CNTLN: variants seen among roughly 807,000 people sequenced by gnomAD.
The protein encoded by CNTLN is centlein, also known as centlein, centrosomal protein.
CNTLN carries 212 observed loss-of-function variants against 180.0 expected under a neutral mutation model. That is an observed-to-expected ratio of 1.18 (90% CI 1.05 to 1.32). CNTLN has a LOEUF of 1.32. CNTLN is among the 40% of genes most tolerant of loss of function. The pLI, the probability that CNTLN is intolerant of heterozygous loss-of-function variation, is 0.00. For synonymous variants in CNTLN, 722 were observed against 563.1 expected (o/e 1.28, Z -3.99); for missense variants, 2,095 against 1,610.9 (o/e 1.30, Z -5.14).
At chr9:17,404,685 G>A (rs1297577499) in intron 15 of CNTLN, among the ~76,000 whole-genome samples, 3 of 151,004 alleles carry the variant, frequency 2.0e-5, no homozygotes, top group Admixed American at 6.6e-5. Context: ...AAAAAGTTGT[G>A]TACAATCCTT....
At chr9:17,521,951 G>A in the CNTLN span, among the ~76,000 whole-genome samples, 1 of 152,086 alleles carries the variant, frequency 6.6e-6, no homozygotes, top group Admixed American at 6.5e-5. Context: ...GGGAAAACCT[G>A]AGTATAATTC....
chr9:17,333,885 C>G (rs1820807226), intron 10 of CNTLN, among the ~76,000 whole-genome samples: 1 of 152,120 alleles, frequency 6.6e-6, no homozygotes, highest in East Asian at 1.9e-4. Flanking sequence ...AAGCATCATA[C>G]TAGTACTTGT....
At chr9:17,302,523 C>T (rs1330238890) in intron 7 of CNTLN, among the ~76,000 whole-genome samples, 4 of 152,048 alleles carry the variant, frequency 2.6e-5, no homozygotes, top group Non-Finnish European at 5.9e-5. Flanking sequence ...TTAGTTCGTA[C>T]ATAACATACC....
intron 12 of CNTLN, among the ~76,000 whole-genome samples, chr9:17,348,549 G>A (rs77009928): frequency 2.0e-5 from 2 of 98,612 alleles, no homozygotes; most frequent in African/African-American, 8.4e-5. Flanking sequence ...TTTTTTTTTT[G>A]AGACGGAGTC....
intron 12 of CNTLN, among the ~76,000 whole-genome samples, chr9:17,360,043 C>G (rs1187818591): frequency 1.3e-5 from 2 of 152,010 alleles, no homozygotes; most frequent in African/African-American, 4.8e-5. Context: ...ATGGATATTT[C>G]TTTTTTTCCA....
chr9:17,347,858 G>A (rs914063715), intron 12 of CNTLN, among the ~76,000 whole-genome samples: 67 of 152,080 alleles, frequency 4.4e-4, no homozygotes, highest in African/African-American at 1.4e-3. Flanking sequence ...TTGAGACAGA[G>A]TCTCGCTCTG....
chr9:17,237,354 TACACACACACACACACACACACAC>T lies in CNTLN; in HGVS notation c.849+795_849+818del, dbSNP rs59168012. On this transcript the variant is annotated intron_variant, in intron 5 of 25. Coordinates refer to ENST00000380647, the MANE Select transcript of CNTLN (RefSeq NM_017738.4). ...GGTGGTCTCTCCATGTATATGCCCCTACACACACACACACACACACACACACACACACACACACACACACACACA... is the reference window on the plus strand; with the variant it reads ...GGTGGTCTCTCCATGTATATGCCCCTACACACACACACACACACACACACA... Among the ~76,000 whole-genome samples, 564 of 106,486 alleles carry T rather than the reference TACACACACACACACACACACACAC, an allele frequency of 5.3e-3. 3 individuals are homozygous for T. The highest frequency in any genetic ancestry group is 0.018 in the African/African-American group (527 of 28,510). 69.9% of individuals were successfully genotyped at this position (106,486 alleles called of 152,430 possible).
chr9:17,523,424 A>G, the CNTLN span, among the ~76,000 whole-genome samples: 1 of 151,830 alleles, frequency 6.6e-6, no homozygotes, highest in Non-Finnish European at 1.5e-5. Context: ...TTTAGTAGAG[A>G]CGGGGTTTCA....
At chr9:17,301,950 A>G in intron 7 of CNTLN, 1 of 935,900 alleles carries the variant, frequency 1.1e-6, no homozygotes, top group Non-Finnish European at 1.3e-6. Context: ...TAACTATTTT[A>G]GATGGTCATA....
intron 18 of CNTLN, among the ~76,000 whole-genome samples, chr9:17,442,188 G>C (rs1830150540): frequency 6.6e-6 from 1 of 152,168 alleles, no homozygotes; most frequent in Non-Finnish European, 1.5e-5. Context: ...GATATGTAGA[G>C]AATACTCTAC....
intron 8 of CNTLN, among the ~76,000 whole-genome samples, chr9:17,322,083 A>G (rs1043225567): frequency 1.3e-5 from 2 of 152,058 alleles, no homozygotes; most frequent in African/African-American, 2.4e-5. Flanking sequence ...CTGCCTTGTA[A>G]TTTGTTGCTT....
intron 18 of CNTLN, among the ~76,000 whole-genome samples, chr9:17,431,552 C>T (rs1350331030): frequency 1.3e-5 from 2 of 152,020 alleles, no homozygotes; most frequent in African/African-American, 2.4e-5. Context: ...GACATAATCC[C>T]ATTTGTCTAT....
chr9:17,373,627 C>T (rs117210374), intron 13 of CNTLN, among the ~76,000 whole-genome samples: 1 of 151,966 alleles, frequency 6.6e-6, no homozygotes, highest in Non-Finnish European at 1.5e-5. Context: ...ACAGAAAAAA[C>T]AATCCTAAAA....
chr9:17,135,513 A>T, intron 1 of CNTLN, 88 bp downstream of exon 1: 1 of 1,449,796 alleles, frequency 6.9e-7, no homozygotes, highest in Non-Finnish European at 9.1e-7. Flanking sequence ...CTGCCTTGGG[A>T]CCTACCCCGC....
the CNTLN span, among the ~76,000 whole-genome samples, chr9:17,520,988 G>C: frequency 6.6e-6 from 1 of 152,154 alleles, no homozygotes; most frequent in Non-Finnish European, 1.5e-5. Context: ...GAAAAATTCT[G>C]TGGATTGTTA....
intron 13 of CNTLN, among the ~76,000 whole-genome samples, chr9:17,382,253 C>T (rs1446250315): frequency 6.6e-6 from 1 of 152,152 alleles, no homozygotes; most frequent in Non-Finnish European, 1.5e-5. Context: ...AAAGCATAGA[C>T]TTTCATAATA....
At chr9:17,508,324 G>C (rs1833969261), downstream of CNTLN, among the ~76,000 whole-genome samples, 1 of 152,194 alleles carries the variant, frequency 6.6e-6, no homozygotes, top group South Asian at 2.1e-4. Context: ...ACTTCACCCA[G>C]ATTCCCTGAA....
At chr9:17,357,209 A>G (rs1415840881) in intron 12 of CNTLN, among the ~76,000 whole-genome samples, 1 of 152,026 alleles carries the variant, frequency 6.6e-6, no homozygotes, top group East Asian at 1.9e-4. Flanking sequence ...AGGCTGAATA[A>G]TGTTTCATTT....
At chr9:17,283,696 C>T (rs1221145180) in intron 6 of CNTLN, among the ~76,000 whole-genome samples, 1 of 152,146 alleles carries the variant, frequency 6.6e-6, no homozygotes, top group Non-Finnish European at 1.5e-5. Context: ...GAAATGTTTC[C>T]AGCTTTTGCC....
Sources: allele counts gnomAD v4.1 joint callset (sites outside exome capture counted in the v4.1 genomes callset), GRCh38; gene constraint gnomAD v4.1.1; transcripts MANE v1.5; gene names NCBI Gene and HGNC (gene_info 2026-07-23, HGNC 2026-07-21).